COL24A1: variants seen among roughly 807,000 people sequenced by gnomAD.
The protein encoded by COL24A1 is collagen alpha-1(XXIV) chain.
A neutral mutation model predicts 253.9 loss-of-function variants in COL24A1; 224 were observed. That is an observed-to-expected ratio of 0.88 (90% CI 0.79 to 0.99). The LOEUF (loss-of-function observed/expected upper bound fraction) is 0.99, where lower values mean the gene tolerates loss of function less well. Among genes scored for constraint, COL24A1 ranks in the 50% least tolerant of loss-of-function variants. The pLI is 0.00. For missense variants in COL24A1, 2,131 were observed against 2,068.5 expected (o/e 1.03, Z -0.59); for synonymous variants, 685 against 673.7 (o/e 1.02, Z -0.26).
In COL24A1 at chr1:86,097,596, G is replaced by A. The variant is rs1304370985; in HGVS notation, c.1600-5276C>T. Among the ~76,000 whole-genome samples the A allele has an allele frequency of 1.6e-4, 7 of 44,228 alleles. No individual in the cohort carries two copies. The East Asian group carries it at 3.5e-3, about 22-fold the overall frequency. 29.0% of individuals were successfully genotyped at this position (44,228 alleles called of 152,430 possible). A position where few individuals can be genotyped will look rare whatever the true frequency, so the allele number is the denominator to read the frequency against. ...TCCTCCTCCCCCCTCCTCCTCCCTCGTCCTTCTCCTTCTCCTCCTCCTTCT... is the reference window on the plus strand; with the variant it reads ...TCCTCCTCCCCCCTCCTCCTCCCTCATCCTTCTCCTTCTCCTCCTCCTTCT... On this transcript the variant is annotated intron_variant, in intron 5 of 59. Transcript: ENST00000370571.
Position 85,786,379 on chromosome 1 carries a change from C to T in COL24A1, c.4034G>A (p.Gly1345Glu). 6.2e-7 allele frequency: 1 copy of T among 1,613,778 alleles called. No individual in the cohort carries two copies. Among genetic ancestry groups the T allele is most frequent in the Non-Finnish European group, 8.5e-7 (1 of 1,179,778 alleles). The change falls in exon 48 of 60, where the codon GGA becomes GAA. Residue 1345 changes from glycine to glutamate, a missense_variant. By Grantham distance (98) the Gly-to-Glu change is moderately conservative. Transcript: ENST00000370571. ...PGVKGSSGLPGSPGIQGPKGE... is the reference protein window; with the variant it reads ...PGVKGSSGLPESPGIQGPKGE... ...CTTTGGGCCTTGAATTCCTGGGCTT[C>T]CTGGCAAGCCTGATGAACCCTTTAC...
chr1:86,156,488 G>GAA lies in COL24A1; in HGVS notation c.-94_-93dup. ...GTGCAGGTACTGTCCATGAAAAAGGGAAAAAACAATCACATGAAAACCATG... is the reference window on the plus strand; with the variant it reads ...GTGCAGGTACTGTCCATGAAAAAGGGAAAAAAAACAATCACATGAAAACCATG... On this transcript the variant is annotated 5_prime_UTR_variant, in exon 1 of 60. Transcript: ENST00000370571. 8.6e-7 allele frequency: 1 copy of GAA among 1,165,068 alleles called. No homozygotes were observed. The highest frequency in any genetic ancestry group is 2.8e-5 in the East Asian group (1 of 36,114). 72.2% of individuals were successfully genotyped at this position (1,165,068 alleles called of 1,614,324 possible).
chr1:86,120,852 C>A (rs61802241), intron 3 of COL24A1, among the ~76,000 whole-genome samples: 2 of 151,906 alleles, frequency 1.3e-5, no homozygotes, highest in African/African-American at 4.8e-5. Context: ...TGTATGTTTA[C>A]TGTGGCACTA....
rs188797476 is a variant in COL24A1 at position 85,767,005 on chromosome 1, G to A, written c.4375-5439C>T. 4.3e-4 allele frequency among the ~76,000 whole-genome samples: 66 copies of A among 152,076 alleles called. 1 individual carries two copies. The highest frequency in any genetic ancestry group is 3.4e-3 in the Middle Eastern group (1 of 294). ...TGTAGTCCCAGCTACTCAGGAGGCC[G>A]AGGCAGGAGAATCGCTTGAACCTGG... On this transcript the variant is annotated intron_variant, in intron 53 of 59. Transcript: ENST00000370571.
intron 18 of COL24A1, 76 bp downstream of exon 18, chr1:86,022,164 G>T: frequency 7.9e-7 from 1 of 1,273,530 alleles, no homozygotes; most frequent in Non-Finnish European, 1.1e-6. Context: ...ACCCTACTTA[G>T]ATCAACAGTG....
chr1:85,876,731 G>A (rs994955232), intron 33 of COL24A1, among the ~76,000 whole-genome samples: 16 of 152,196 alleles, frequency 1.1e-4, no homozygotes, highest in African/African-American at 3.4e-4. Flanking sequence ...TACAAACAAT[G>A]GAAATAAAAT....
chr1:86,025,840 T>C (rs930848667), intron 14 of COL24A1, among the ~76,000 whole-genome samples: 13 of 152,224 alleles, frequency 8.5e-5, no homozygotes, highest in Non-Finnish European at 1.9e-4. Context: ...ACACAGCATT[T>C]TTGTACCTAA....
chr1:85,945,019 T>TTTTTTTTTTTTTG (rs1689180261), intron 24 of COL24A1, among the ~76,000 whole-genome samples: 15 of 73,358 alleles, frequency 2.0e-4, no homozygotes, highest in Admixed American at 4.1e-4. Flanking sequence ...TTTTTTTTTT[T>TTTTTTTTTTTTTG]TTTTTTTTTT....
At chr1:85,839,920 T>G (rs1235048368) in intron 42 of COL24A1, among the ~76,000 whole-genome samples, 1 of 152,168 alleles carries the variant, frequency 6.6e-6, no homozygotes, top group East Asian at 1.9e-4. Flanking sequence ...CAGCACCCAC[T>G]AGGACCTACC....
chr1:86,124,826 T>C lies in COL24A1; in HGVS notation c.1491+19A>G. The C allele has an allele frequency of 7.7e-7, 1 of 1,300,100 alleles. No individual in the cohort carries two copies. The highest frequency in any genetic ancestry group is 2.6e-5 in the Admixed American group (1 of 38,224). 80.5% of individuals were successfully genotyped at this position (1,300,100 alleles called of 1,614,324 possible). A position where few individuals can be genotyped will look rare whatever the true frequency, so the allele number is the denominator to read the frequency against. Reference sequence around the variant, plus strand: ...TGTAAGTTAGCATATTAGGAGATATTAAAAAAAAAAAAACTTACGGGAGGT... The same window carrying C: ...TGTAAGTTAGCATATTAGGAGATATCAAAAAAAAAAAAACTTACGGGAGGT... On this transcript the variant is annotated intron_variant, in intron 3 of 59. Coordinates refer to ENST00000370571, the MANE Select transcript of COL24A1 (RefSeq NM_152890.7).
chr1:85,807,934 G>C (rs1004731468), intron 47 of COL24A1, among the ~76,000 whole-genome samples: 1 of 152,112 alleles, frequency 6.6e-6, no homozygotes, highest in African/African-American at 2.4e-5. Flanking sequence ...AGCTTACGAG[G>C]GTCAAGTGAT....
chr1:85,907,498 A>T (rs1390896078), intron 27 of COL24A1, among the ~76,000 whole-genome samples: 2 of 151,906 alleles, frequency 1.3e-5, no homozygotes, highest in Non-Finnish European at 2.9e-5. Context: ...TTTAATATTC[A>T]CTGACCAAGT....
chr1:85,890,865 T>C (rs1214951784), intron 31 of COL24A1, among the ~76,000 whole-genome samples: 1 of 152,108 alleles, frequency 6.6e-6, no homozygotes, highest in African/African-American at 2.4e-5. Context: ...ACTTCCTTTT[T>C]TCCCCATCTT....
At chr1:85,893,060 G>A (rs78891008) in intron 31 of COL24A1, among the ~76,000 whole-genome samples, 1,892 of 152,058 alleles carry the variant, frequency 0.012, 49 homozygotes, top group African/African-American at 0.043. Flanking sequence ...AAATTAAAAG[G>A]CAGAAATTGT....
At chr1:86,038,922 A>G (rs1304303968) in intron 12 of COL24A1, among the ~76,000 whole-genome samples, 1 of 152,186 alleles carries the variant, frequency 6.6e-6, no homozygotes, top group African/African-American at 2.4e-5. Context: ...CATGAATTAG[A>G]ACCACCCAAC....
chr1:86,000,612 G>A (rs1695301269), intron 19 of COL24A1, among the ~76,000 whole-genome samples: 1 of 152,180 alleles, frequency 6.6e-6, no homozygotes, highest in Admixed American at 6.5e-5. Context: ...TAAGTCCACT[G>A]AAGTACTAAA....
chr1:85,736,321 T>C, intron 58 of COL24A1: 1 of 456,282 alleles, frequency 2.2e-6, no homozygotes, highest in South Asian at 1.5e-5. Flanking sequence ...AGAAGTGATT[T>C]GGTCATGGAA....
chr1:85,742,146 TC>T lies in COL24A1; in HGVS notation c.4672+2519del, dbSNP rs66945213. On this transcript the variant is annotated intron_variant, in intron 57 of 59. Transcript: ENST00000370571. ...ACCTCATTTCTTTTTTCTTTTTTTTTCTTTTGAGACAGAGTCTCACTCTGTG... is the reference window on the plus strand; with the variant it reads ...ACCTCATTTCTTTTTTCTTTTTTTTTTTTTGAGACAGAGTCTCACTCTGTG... Among the ~76,000 whole-genome samples, 22 of 149,322 alleles carry T rather than the reference TC, an allele frequency of 1.5e-4. 2 individuals are homozygous for T. Among genetic ancestry groups the T allele is most frequent in the Non-Finnish European group, 1.3e-4 (9 of 67,096 alleles).
At chr1:86,052,161 T>C (rs1329194342) in intron 10 of COL24A1, among the ~76,000 whole-genome samples, 1 of 152,098 alleles carries the variant, frequency 6.6e-6, no homozygotes, top group African/African-American at 2.4e-5. Flanking sequence ...TAGGTCAATT[T>C]TACTAAGTTC....
Sources: gnomAD v4.1 joint callset for allele counts (sites outside exome capture counted in the v4.1 genomes callset) on GRCh38, gnomAD v4.1.1 for gene constraint, MANE v1.5 for transcripts, NCBI Gene and HGNC (gene_info 2026-07-23, HGNC 2026-07-21) for gene names.